The following PLCE1 variants were observed in gnomAD, a reference collection of about 807,000 sequenced individuals.
The protein encoded by PLCE1 is 1-phosphatidylinositol 4,5-bisphosphate phosphodiesterase epsilon-1.
A neutral mutation model predicts 242.8 loss-of-function variants in PLCE1; 119 were observed. That is an observed-to-expected ratio of 0.49 (90% CI 0.42 to 0.57). PLCE1 has a LOEUF of 0.57. PLCE1 is among the 20% of genes least tolerant of loss of function. The pLI, the probability that PLCE1 is intolerant of heterozygous loss-of-function variation, is 0.00. For synonymous variants in PLCE1, 945 were observed against 1,017.4 expected, an observed-to-expected ratio of 0.93 and a Z score of 1.35; for missense variants, 2,441 against 2,788.8, an observed-to-expected ratio of 0.88 and a Z score of 2.81.
chr10:94,227,538 T>A, intron 5 of PLCE1, 87 bp downstream of exon 5: 1 of 1,230,658 alleles, frequency 8.1e-7, no homozygotes, highest in Non-Finnish European at 1.2e-6. Context: ...GGGACTCACC[T>A]TTACCCAAGC....
chr10:94,332,513 G>C lies in PLCE1; in HGVS notation c.*4570G>C, dbSNP rs937307602. 8.9e-6 allele frequency: 1 copy of C among 112,392 alleles called. No individual in the cohort carries two copies. The highest frequency in any genetic ancestry group is 1.9e-5 in the Non-Finnish European group (1 of 52,714). 7.0% of individuals were successfully genotyped at this position (112,392 alleles called of 1,614,324 possible). A position where few individuals can be genotyped will look rare whatever the true frequency, so the allele number is the denominator to read the frequency against. ...TCAGGATATGTGTGTGCCTGTGTGTGTGTGTGTGTGTGTGTGTGTGTGTGT... is the reference window on the plus strand; with the variant it reads ...TCAGGATATGTGTGTGCCTGTGTGTCTGTGTGTGTGTGTGTGTGTGTGTGT... On this transcript the variant is annotated 3_prime_UTR_variant, in exon 33 of 33. Coordinates refer to ENST00000371380, the MANE Select transcript of PLCE1 (RefSeq NM_016341.4).
intron 2 of PLCE1, among the ~76,000 whole-genome samples, chr10:94,049,595 G>C (rs150544796): frequency 0.013 from 2,018 of 151,334 alleles, 54 homozygotes; most frequent in African/African-American, 0.046. Flanking sequence ...CTGTCTGTCT[G>C]TCTGTCTCTC....
At chr10:94,198,202 A>G in intron 4 of PLCE1, among the ~76,000 whole-genome samples, 1 of 152,108 alleles carries the variant, frequency 6.6e-6, no homozygotes, top group Non-Finnish European at 1.5e-5. Flanking sequence ...GAAGAGAGGG[A>G]TCAGCACTTA....
intron 3 of PLCE1, among the ~76,000 whole-genome samples, chr10:94,156,135 C>G (rs2047425964): frequency 6.6e-6 from 1 of 152,074 alleles, no homozygotes; most frequent in South Asian, 2.1e-4. Flanking sequence ...AAACTGTTTT[C>G]CTCTACACTC....
At chr10:94,218,548 C>T (rs1207180372) in intron 4 of PLCE1, among the ~76,000 whole-genome samples, 3 of 151,928 alleles carry the variant, frequency 2.0e-5, no homozygotes, top group African/African-American at 7.3e-5. Context: ...TGACATAAAC[C>T]AATACTTCTG....
chr10:94,223,068 C>T (rs2049810252), intron 4 of PLCE1, among the ~76,000 whole-genome samples: 1 of 151,900 alleles, frequency 6.6e-6, no homozygotes, highest in South Asian at 2.1e-4. Flanking sequence ...GGCATGGTCT[C>T]AGGGCAGTGC....
chr10:94,253,783 C>A (rs2137654880), intron 9 of PLCE1, among the ~76,000 whole-genome samples: 1 of 152,308 alleles, frequency 6.6e-6, no homozygotes, highest in African/African-American at 2.4e-5. Context: ...CTAGGCCCCA[C>A]CTCTAACACT....
At chr10:94,191,091 C>A (rs1159715272) in intron 4 of PLCE1, among the ~76,000 whole-genome samples, 2 of 151,556 alleles carry the variant, frequency 1.3e-5, no homozygotes, top group African/African-American at 4.9e-5. Context: ...CATAGGGTGA[C>A]TAAAAGAAAA....
intron 5 of PLCE1, among the ~76,000 whole-genome samples, chr10:94,231,521 C>T (rs1233099530): frequency 6.6e-6 from 1 of 151,996 alleles, no homozygotes. Flanking sequence ...CAGTCACTTT[C>T]CTAGTTAACA....
chr10:94,095,897 G>A (rs2045290317), intron 2 of PLCE1, among the ~76,000 whole-genome samples: 1 of 152,162 alleles, frequency 6.6e-6, no homozygotes, highest in African/African-American at 2.4e-5. Flanking sequence ...CCAGGCCAGT[G>A]GGCCTTTTTG....
At chr10:94,079,241 A>G (rs2044588999) in intron 2 of PLCE1, among the ~76,000 whole-genome samples, 1 of 152,230 alleles carries the variant, frequency 6.6e-6, no homozygotes, top group South Asian at 2.1e-4. Flanking sequence ...AAGAGAAAGC[A>G]TTGGAGCAAA....
chr10:94,010,394 C>G lies in PLCE1; in HGVS notation c.-365+16136C>G, dbSNP rs773529452. Among the ~76,000 whole-genome samples, 6 of 152,226 alleles carry G rather than the reference C, an allele frequency of 3.9e-5. No individual in the cohort carries two copies. In the South Asian group the frequency reaches 1.0e-3, roughly 26 times the overall value. The stretch of plus-strand genomic sequence containing the variant: ...TGGAAGATCTGAAATGCCTTCAAGG[C>G]CTTTTTCCTGTTGTCTAGGATATTA... On this transcript the variant is annotated intron_variant, in intron 1 of 32. Transcript: ENST00000371380.
At chr10:94,001,884 G>A (rs576261524) in intron 1 of PLCE1, among the ~76,000 whole-genome samples, 12 of 152,272 alleles carry the variant, frequency 7.9e-5, no homozygotes, top group African/African-American at 2.6e-4. Flanking sequence ...AATACTCTGG[G>A]CATGAAATTG....
intron 2 of PLCE1, among the ~76,000 whole-genome samples, chr10:94,034,214 C>T (rs2061620948): frequency 6.6e-6 from 1 of 152,150 alleles, no homozygotes; most frequent in African/African-American, 2.4e-5. Flanking sequence ...CCACCTGGCC[C>T]TGCCCTTGAC....
At chr10:94,238,334 G>A (rs1274659169) in intron 7 of PLCE1, among the ~76,000 whole-genome samples, 2 of 152,206 alleles carry the variant, frequency 1.3e-5, no homozygotes, top group South Asian at 2.1e-4. Context: ...TGTCAATGGG[G>A]TCTTCAAGTA....
intron 5 of PLCE1, among the ~76,000 whole-genome samples, chr10:94,228,277 A>T (rs932886943): frequency 2.6e-5 from 4 of 152,344 alleles, no homozygotes; most frequent in Middle Eastern, 6.8e-3. Context: ...TATGTGAGGA[A>T]GAAGAGCATG....
chr10:94,218,983 T>C (rs1452651727), intron 4 of PLCE1, among the ~76,000 whole-genome samples: 9 of 147,642 alleles, frequency 6.1e-5, no homozygotes, highest in Non-Finnish European at 1.3e-4. Context: ...TTAATTATAG[T>C]TATATATAAA....
At chr10:94,204,471 A>T (rs1332044219) in intron 4 of PLCE1, among the ~76,000 whole-genome samples, 1 of 151,946 alleles carries the variant, frequency 6.6e-6, no homozygotes, top group Non-Finnish European at 1.5e-5. Flanking sequence ...GTTCAAGATC[A>T]TCCTGGCCAA....
At chr10:94,272,971 C>G (rs543577519) in intron 18 of PLCE1, among the ~76,000 whole-genome samples, 1 of 151,972 alleles carries the variant, frequency 6.6e-6, no homozygotes, top group Non-Finnish European at 1.5e-5. Context: ...GAGGCTGAGG[C>G]GGGTGGATCG....
Sources: allele counts gnomAD v4.1 joint callset (sites outside exome capture counted in the v4.1 genomes callset), GRCh38; gene constraint gnomAD v4.1.1; transcripts MANE v1.5; gene names NCBI Gene and HGNC (gene_info 2026-07-23, HGNC 2026-07-21).